Variants in PCDHGB5 observed in about 807,000 individuals in gnomAD.
PCDHGB5 encodes protocadherin gamma-B5.
Under a neutral mutation model 62.9 loss-of-function variants are expected in PCDHGB5, and 48 were observed. The observed-to-expected ratio is 0.76, with a 90% CI of 0.61 to 0.97. The LOEUF is 0.97. Ranked by LOEUF, PCDHGB5 falls within the 50% of genes least tolerant of loss-of-function variation. The pLI is 0.00. For missense variants in PCDHGB5, 1,118 were observed against 1,198.6 expected (o/e 0.93, Z 0.99); for synonymous variants, 474 against 511.2 (o/e 0.93, Z 0.98).
chr5:141,453,680 A>G (rs1466590010), intron 1 of PCDHGB5, among the ~76,000 whole-genome samples: 1 of 152,220 alleles, frequency 6.6e-6, no homozygotes, highest in Non-Finnish European at 1.5e-5. Context: ...GTAACACACT[A>G]TGTAGGTAGT....
intron 1 of PCDHGB5, chr5:141,404,040 G>C (rs1373988780): frequency 6.2e-7 from 1 of 1,613,692 alleles, no homozygotes; most frequent in Non-Finnish European, 8.5e-7. Flanking sequence ...GCACCTCAGG[G>C]AACAGTAATT....
In PCDHGB5 at chr5:141,511,445, A is replaced by G; in HGVS notation, c.*272A>G. ...GGTAGTGGGGTTACTGTAGACACCA[A>G]GAACCATTTGCCACACCCCGTTTAG... On this transcript the variant is annotated 3_prime_UTR_variant, in exon 4 of 4. Coordinates refer to ENST00000617380, the MANE Select transcript of PCDHGB5 (RefSeq NM_018925.3). 4.5e-6 allele frequency: 3 copies of G among 659,774 alleles called. No individual in the cohort carries two copies. Among genetic ancestry groups the G allele is most frequent in the Non-Finnish European group, 4.9e-6 (2 of 412,228 alleles). 40.9% of individuals were successfully genotyped at this position (659,774 alleles called of 1,614,324 possible). A position where few individuals can be genotyped will look rare whatever the true frequency, so the allele number is the denominator to read the frequency against.
rs186288044 is a variant in PCDHGB5, at chr5:141,433,652, A to G, written c.2397+33128A>G. On this transcript the variant is annotated intron_variant, in intron 1 of 3. Transcript: ENST00000617380. ...GGAGTTTGAGACCAGCCTGACCAAC[A>G]TGGAGAAACCCCGTCTATACTAAAA... is the stretch of plus-strand genomic sequence containing the variant. 1.0e-2 allele frequency among the ~76,000 whole-genome samples: 1,520 copies of G among 152,208 alleles called. 33 individuals are homozygous for G. The highest frequency in any genetic ancestry group is 0.034 in the African/African-American group (1,423 of 41,538).
At chr5:141,482,611 G>T (rs1016481108) in intron 1 of PCDHGB5, among the ~76,000 whole-genome samples, 1 of 150,398 alleles carries the variant, frequency 6.6e-6, no homozygotes, top group Admixed American at 6.6e-5. Context: ...ACACCTAAAT[G>T]AGCCTGGAGA....
intron 1 of PCDHGB5, chr5:141,421,938 T>C (rs777643980): frequency 2.9e-5 from 46 of 1,613,346 alleles, no homozygotes; most frequent in Non-Finnish European, 3.5e-5. Context: ...TCGATGTAAA[T>C]GATCACATCC....
chr5:141,403,021 A>G (rs1367554344), intron 1 of PCDHGB5: 2 of 1,613,944 alleles, frequency 1.2e-6, no homozygotes, highest in African/African-American at 1.3e-5. Flanking sequence ...TGGGGATGCT[A>G]TGGGAGGCCA....
In PCDHGB5 at chr5:141,511,519, C is replaced by G; in HGVS notation, c.*346C>G. 2.7e-6 allele frequency: 1 copy of G among 367,516 alleles called. No homozygotes were observed. Among genetic ancestry groups the G allele is most frequent in the African/African-American group, 2.1e-5 (1 of 48,286 alleles). 22.8% of individuals were successfully genotyped at this position (367,516 alleles called of 1,614,324 possible). A position where few individuals can be genotyped will look rare whatever the true frequency, so the allele number is the denominator to read the frequency against. ...CCAAATCAATCAGGCCCATCCATCC[C>G]ATGCCTCCCTCCTCCCCACCCCACT... On this transcript the variant is annotated 3_prime_UTR_variant, in exon 4 of 4. Coordinates refer to ENST00000617380, the MANE Select transcript of PCDHGB5 (RefSeq NM_018925.3).
intron 1 of PCDHGB5, chr5:141,424,475 T>C (rs1399874639): frequency 2.6e-5 from 4 of 152,234 alleles, no homozygotes; most frequent in Admixed American, 2.0e-4. Context: ...ATTCTTTTAC[T>C]TTGGTGTCTG....
chr5:141,424,232 C>A (rs182055138), intron 1 of PCDHGB5: 1 of 158,642 alleles, frequency 6.3e-6, no homozygotes, highest in East Asian at 1.9e-4. Context: ...TATTTTGATT[C>A]TTGGTGGCTG....
intron 1 of PCDHGB5, chr5:141,409,940 C>T (rs1368587420): frequency 1.2e-5 from 19 of 1,613,118 alleles, no homozygotes; most frequent in Non-Finnish European, 1.6e-5. Context: ...TATGGTACCT[C>T]GCTCTGCAGA....
At chr5:141,505,336 G>A in intron 2 of PCDHGB5, 57 bp from the exon 3 acceptor site, 2 of 1,611,374 alleles carry the variant, frequency 1.2e-6, no homozygotes, top group South Asian at 1.1e-5. Flanking sequence ...GAGGACAGGA[G>A]GGGCATGAGC....
chr5:141,503,161 T>C (rs1035413931), intron 2 of PCDHGB5, among the ~76,000 whole-genome samples: 3 of 152,054 alleles, frequency 2.0e-5, no homozygotes, highest in Admixed American at 1.3e-4. Context: ...AGTATCACAA[T>C]TGCAATTACT....
At chr5:141,405,218 G>T in intron 1 of PCDHGB5, 1 of 1,613,986 alleles carries the variant, frequency 6.2e-7, no homozygotes, top group Non-Finnish European at 8.5e-7. Flanking sequence ...CTATTCTCAG[G>T]AGTTCTCCCT....
In PCDHGB5 at chr5:141,477,031, A is replaced by C; in HGVS notation, c.2398-17776A>C. Reference sequence around the variant, plus strand: ...TAGACCTTGTAACCGGGATGCTGACAATCAAGGGTCGGCTGGACTTCGAGG... The same window carrying C: ...TAGACCTTGTAACCGGGATGCTGACCATCAAGGGTCGGCTGGACTTCGAGG... On this transcript the variant is annotated intron_variant, in intron 1 of 3. Coordinates refer to ENST00000617380, the MANE Select transcript of PCDHGB5 (RefSeq NM_018925.3). This position sits in a 1 kb window ranked among gnomAD's most constrained non-coding sequence, Gnocchi z 4.9. The C allele has an allele frequency of 6.2e-7, 1 of 1,614,248 alleles. No individual in the cohort carries two copies. Among genetic ancestry groups the C allele is most frequent in the Non-Finnish European group, 8.5e-7 (1 of 1,180,040 alleles).
At chr5:141,418,572 A>G (rs777784393) in intron 1 of PCDHGB5, 5 of 1,613,794 alleles carry the variant, frequency 3.1e-6, no homozygotes, top group Non-Finnish European at 4.2e-6. Flanking sequence ...GCCAATGACA[A>G]CCCCCCAGTG....
chr5:141,453,067 C>A (rs1227122711), intron 1 of PCDHGB5, among the ~76,000 whole-genome samples: 1 of 152,024 alleles, frequency 6.6e-6, no homozygotes, highest in African/African-American at 2.4e-5. Context: ...AGAGTTTTGC[C>A]ACACTCTGGT....
chr5:141,483,435 A>G (rs2099581280), intron 1 of PCDHGB5, among the ~76,000 whole-genome samples: 1 of 152,180 alleles, frequency 6.6e-6, no homozygotes, highest in Admixed American at 6.5e-5. Context: ...GGAGCTGACT[A>G]CAATAAAATC....
chr5:141,418,980 A>T, intron 1 of PCDHGB5: 1 of 1,614,004 alleles, frequency 6.2e-7, no homozygotes. Flanking sequence ...ACACGGGACC[A>T]AGACTCAGGG....
In PCDHGB5 at chr5:141,486,184, A is replaced by G. The variant is rs2099625756; in HGVS notation, c.2398-8623A>G. 8 of 1,614,014 alleles carry G rather than the reference A, an allele frequency of 5.0e-6. No homozygotes were observed. Among genetic ancestry groups the G allele is most frequent in the Non-Finnish European group, 6.8e-6 (8 of 1,180,026 alleles). On this transcript the variant is annotated intron_variant, in intron 1 of 3. Transcript: ENST00000617380. This position sits in a 1 kb window ranked among gnomAD's most constrained non-coding sequence, Gnocchi z 5.0. ...CCATGGAGCAACATTGCAGCCTTCG[A>G]GTGGATCTGCTGGACGTAAATGACA...
Sources: allele counts gnomAD v4.1 joint callset (sites outside exome capture counted in the v4.1 genomes callset), GRCh38; gene constraint gnomAD v4.1.1; non-coding constraint Gnocchi (gnomAD v3.1); transcripts MANE v1.5; gene names NCBI Gene and HGNC (gene_info 2026-07-23, HGNC 2026-07-21).